The following PRKN variants were observed in gnomAD, a reference collection of about 807,000 sequenced individuals.
PRKN encodes the protein parkin RBR E3 ubiquitin protein ligase.
A neutral mutation model predicts 59.5 loss-of-function variants in PRKN; 56 were observed. That is an observed-to-expected ratio of 0.94 (90% CI 0.76 to 1.18). PRKN has a LOEUF of 1.18. Ranked by LOEUF, PRKN falls within the 50% of genes most tolerant of loss-of-function variation. The pLI, the probability that PRKN is intolerant of heterozygous loss-of-function variation, is 0.00. For missense variants in PRKN, 657 were observed against 596.4 expected, an observed-to-expected ratio of 1.10 and a Z score of -1.06; for synonymous variants, 250 against 222.1, an observed-to-expected ratio of 1.13 and a Z score of -1.12.
chr6:161,657,882 A>T (rs2128164322), intron 7 of PRKN, among the ~76,000 whole-genome samples: 1 of 151,992 alleles, frequency 6.6e-6, no homozygotes. Context: ...AAAAAAAATT[A>T]GCTGGCATGG....
At chr6:162,337,661 C>A (rs1394198583) in intron 2 of PRKN, among the ~76,000 whole-genome samples, 4 of 152,144 alleles carry the variant, frequency 2.6e-5, no homozygotes, top group African/African-American at 7.2e-5. Context: ...ATCAGCAGGT[C>A]TCGATCCATC....
chr6:162,108,202 T>C lies in PRKN; in HGVS notation c.535-54028A>G, dbSNP rs572367260. Among the ~76,000 whole-genome samples, 6 of 152,182 alleles carry C rather than the reference T, an allele frequency of 3.9e-5. No individual in the cohort carries two copies. The East Asian group carries it at 1.2e-3, about 30-fold the overall frequency. On this transcript the variant is annotated intron_variant, in intron 4 of 11. Transcript: ENST00000366898. ...TAGTGGTGGGAATCTATGCAAATGGTTCCACATGCCAATGCCAAGCCAAAA... is the reference window on the plus strand; with the variant it reads ...TAGTGGTGGGAATCTATGCAAATGGCTCCACATGCCAATGCCAAGCCAAAA...
chr6:162,262,434 C>A, intron 3 of PRKN, 91 bp downstream of exon 3: 7 of 1,506,768 alleles, frequency 4.6e-6, no homozygotes, highest in Non-Finnish European at 6.4e-6. Context: ...GTATCATAAA[C>A]TAAATATGCA....
Position 161,413,412 on chromosome 6 carries a change from C to T in PRKN, c.1084-26535G>A, listed in dbSNP as rs1787683029. Among the ~76,000 whole-genome samples the T allele has an allele frequency of 6.6e-6, 1 of 152,186 alleles. No homozygotes were observed. The highest frequency in any genetic ancestry group is 6.5e-5 in the Admixed American group (1 of 15,276). ...AGGGAATGACAGCTGCAGCAGGTCG[C>T]CAGTGCATCAACACAGAGTAACCGA... On this transcript the variant is annotated intron_variant, in intron 9 of 11. Coordinates refer to ENST00000366898, the MANE Select transcript of PRKN (RefSeq NM_004562.3). This position sits in a 1 kb window ranked among gnomAD's most constrained non-coding sequence, Gnocchi z 4.4.
chr6:161,832,492 C>T (rs1221313031), intron 6 of PRKN, among the ~76,000 whole-genome samples: 2 of 151,818 alleles, frequency 1.3e-5, no homozygotes, highest in Non-Finnish European at 2.9e-5. Flanking sequence ...GGTGTGGTGG[C>T]ATGTGCCTAT....
At chr6:161,785,602 C>T (rs942730405) in intron 7 of PRKN, among the ~76,000 whole-genome samples, 170 bp downstream of exon 7, 10 of 152,110 alleles carry the variant, frequency 6.6e-5, no homozygotes, top group African/African-American at 2.2e-4. Flanking sequence ...TCCTTCATTC[C>T]CCAGAACTTT....
At chr6:161,496,622 C>T (rs1016827575) in intron 9 of PRKN, among the ~76,000 whole-genome samples, 1 of 152,220 alleles carries the variant, frequency 6.6e-6, no homozygotes, top group Non-Finnish European at 1.5e-5. Context: ...AAGCCACCCC[C>T]ATGATTCAAT....
chr6:162,627,813 T>C (rs1359874376), intron 1 of PRKN, among the ~76,000 whole-genome samples: 2 of 152,158 alleles, frequency 1.3e-5, no homozygotes, highest in East Asian at 3.9e-4. Context: ...CAGTTTTGAA[T>C]ACTAGGAGAG....
chr6:161,846,986 C>T (rs1018510036), intron 6 of PRKN, among the ~76,000 whole-genome samples: 6 of 152,100 alleles, frequency 3.9e-5, no homozygotes, highest in African/African-American at 1.4e-4. Context: ...TTATTAATCT[C>T]ATCAGAGAGA....
rs1738667049 is a variant in PRKN, at chr6:161,410,060, G to C, written c.1084-23183C>G. Among the ~76,000 whole-genome samples, 1 of 152,168 alleles carries C rather than the reference G, an allele frequency of 6.6e-6. No individual in the cohort carries two copies. Among genetic ancestry groups the C allele is most frequent in the South Asian group, 2.1e-4 (1 of 4,834 alleles). ...CTGTGCTAGGATGCAAAAGATCATA[G>C]GTGTAGGCTCTGGGCAGCCCGTGCA... On this transcript the variant is annotated intron_variant, in intron 9 of 11. Coordinates refer to ENST00000366898, the MANE Select transcript of PRKN (RefSeq NM_004562.3). This position sits in a 1 kb window ranked among gnomAD's most constrained non-coding sequence, Gnocchi z 5.3.
At chr6:162,096,129 CA>C (rs954025937) in intron 4 of PRKN, among the ~76,000 whole-genome samples, 7 of 152,166 alleles carry the variant, frequency 4.6e-5, no homozygotes, top group Non-Finnish European at 8.8e-5. Flanking sequence ...GATATCTACA[CA>C]TGTGTAGATT....
rs894517169 is a variant in PRKN, at chr6:161,582,458, G to T, written c.872-13042C>A. On this transcript the variant is annotated intron_variant, in intron 7 of 11. Transcript: ENST00000366898. This position sits in a 1 kb window ranked among gnomAD's most constrained non-coding sequence, Gnocchi z 4.4. Reference sequence around the variant, plus strand: ...ATTATTATTTTTGAGACAGAGTCTCGCTCTGTCGCCTAGGCTGGAGTGCAG... The same window carrying T: ...ATTATTATTTTTGAGACAGAGTCTCTCTCTGTCGCCTAGGCTGGAGTGCAG... Among the ~76,000 whole-genome samples the T allele has an allele frequency of 6.6e-6, 1 of 150,798 alleles. No homozygotes were observed. Among genetic ancestry groups the T allele is most frequent in the African/African-American group, 2.5e-5 (1 of 40,748 alleles).
At position 161,545,451 on chromosome 6, in the gene PRKN, G is replaced by A; in HGVS notation, c.1083+3403C>T. The A allele has an allele frequency of 6.4e-7, 1 of 1,571,914 alleles. No homozygotes were observed. Among genetic ancestry groups the A allele is most frequent in the South Asian group, 1.1e-5 (1 of 90,178 alleles). On this transcript the variant is annotated intron_variant, in intron 9 of 11. Transcript: ENST00000366898. The surrounding 1 kb of genome is among the most constrained non-coding windows in gnomAD (Gnocchi z 4.1). ...TCGTTGTCCATACTGTGAGAGCAAAGAGTAAAAAGAGATTCACCTTCTTCT... is the reference window on the plus strand; with the variant it reads ...TCGTTGTCCATACTGTGAGAGCAAAAAGTAAAAAGAGATTCACCTTCTTCT...
chr6:161,775,998 G>T (rs1052217371), intron 7 of PRKN, among the ~76,000 whole-genome samples: 1 of 152,126 alleles, frequency 6.6e-6, no homozygotes, highest in East Asian at 1.9e-4. Context: ...AAAACAAAAG[G>T]CAAAAACATA....
chr6:162,092,007 G>T (rs188107350), intron 4 of PRKN, among the ~76,000 whole-genome samples: 1,450 of 127,194 alleles, frequency 0.011, 20 homozygotes, highest in African/African-American at 0.044. Context: ...CTGCACTCCA[G>T]CCTGGGCAAC....
intron 5 of PRKN, among the ~76,000 whole-genome samples, chr6:161,994,676 C>G (rs887635135): frequency 1.3e-5 from 2 of 151,234 alleles, no homozygotes; most frequent in African/African-American, 4.9e-5. Flanking sequence ...CAATAACAAA[C>G]TAATTGAAAA....
At chr6:162,685,363 G>A (rs1397081774) in intron 1 of PRKN, among the ~76,000 whole-genome samples, 6 of 152,100 alleles carry the variant, frequency 3.9e-5, no homozygotes, top group Non-Finnish European at 5.9e-5. Context: ...GAGTAGAACT[G>A]TGCTACTTCT....
chr6:162,256,352 T>C (rs950848430), intron 3 of PRKN, among the ~76,000 whole-genome samples: 4 of 152,206 alleles, frequency 2.6e-5, no homozygotes, highest in African/African-American at 9.6e-5. Flanking sequence ...ACACCTTCTA[T>C]AAAATTTCAC....
intron 2 of PRKN, among the ~76,000 whole-genome samples, chr6:162,273,621 G>A (rs770219722): frequency 1.2e-4 from 18 of 152,138 alleles, no homozygotes; most frequent in Non-Finnish European, 2.5e-4. Context: ...TTTGGAAACC[G>A]AGTTTTTCAC....
Sources: gnomAD v4.1 joint callset for allele counts (sites outside exome capture counted in the v4.1 genomes callset) on GRCh38, gnomAD v4.1.1 for gene constraint, Gnocchi (gnomAD v3.1) non-coding constraint, MANE v1.5 for transcripts, NCBI Gene and HGNC (gene_info 2026-07-23, HGNC 2026-07-21) for gene names.